SLC35F1: variants seen among roughly 807,000 people sequenced by gnomAD.
SLC35F1 encodes chromosome 6 open reading frame 169.
In SLC35F1, 14 loss-of-function variants were observed where a neutral mutation model predicts 48.7. The observed-to-expected ratio is 0.29, with a 90% CI of 0.19 to 0.45. SLC35F1 has a LOEUF of 0.45. SLC35F1 is among the 20% of genes least tolerant of loss of function. The pLI, the probability that SLC35F1 is intolerant of heterozygous loss-of-function variation, is 1.00. For missense variants in SLC35F1, 404 were observed against 500.0 expected, an observed-to-expected ratio of 0.81 and a Z score of 1.83; for synonymous variants, 190 against 202.2, an observed-to-expected ratio of 0.94 and a Z score of 0.51.
intron 2 of SLC35F1, among the ~76,000 whole-genome samples, chr6:118,191,947 C>T (rs186664253): frequency 3.3e-4 from 51 of 152,252 alleles, no homozygotes; most frequent in Non-Finnish European, 4.6e-4. Context: ...ATTTATTAGT[C>T]ACCACACCAA....
intron 1 of SLC35F1, among the ~76,000 whole-genome samples, chr6:117,998,482 G>A (rs866615266): frequency 1.6e-4 from 24 of 152,006 alleles, no homozygotes; most frequent in Admixed American, 3.3e-4. Context: ...ATTTTTTTCA[G>A]CACCACACCA....
At chr6:117,969,238 G>C (rs1396161036) in intron 1 of SLC35F1, among the ~76,000 whole-genome samples, 1 of 152,034 alleles carries the variant, frequency 6.6e-6, no homozygotes, top group Non-Finnish European at 1.5e-5. Flanking sequence ...TTACCTGTAG[G>C]CTGAAACAAC....
At chr6:118,271,565 T>G (rs1269430547) in intron 4 of SLC35F1, among the ~76,000 whole-genome samples, 3 of 152,178 alleles carry the variant, frequency 2.0e-5, no homozygotes, top group Non-Finnish European at 4.4e-5. Flanking sequence ...ACTGATAGTC[T>G]TTCAACACTC....
intron 1 of SLC35F1, among the ~76,000 whole-genome samples, chr6:118,140,037 T>C (rs1316790730): frequency 6.6e-6 from 1 of 152,216 alleles, no homozygotes; most frequent in African/African-American, 2.4e-5. Context: ...ATTTCTTTTA[T>C]TTGAAAGACA....
intron 2 of SLC35F1, among the ~76,000 whole-genome samples, chr6:118,194,560 C>T (rs1387821000): frequency 1.3e-5 from 2 of 152,072 alleles, no homozygotes; most frequent in Non-Finnish European, 2.9e-5. Context: ...TTCCTAAGCC[C>T]GTGTTCTATC....
At chr6:118,066,456 G>T (rs1772614992) in intron 1 of SLC35F1, among the ~76,000 whole-genome samples, 1 of 152,166 alleles carries the variant, frequency 6.6e-6, no homozygotes, top group South Asian at 2.1e-4. Context: ...AATGAATTCT[G>T]CCAACAACCT....
At chr6:118,205,071 C>G (rs768191749) in intron 2 of SLC35F1, among the ~76,000 whole-genome samples, 1 of 152,182 alleles carries the variant, frequency 6.6e-6, no homozygotes, top group Non-Finnish European at 1.5e-5. Flanking sequence ...TCCAGGAGGC[C>G]GCAGAAGATG....
At chr6:118,307,772 A>G (rs528764182) in intron 7 of SLC35F1, among the ~76,000 whole-genome samples, 1 of 152,310 alleles carries the variant, frequency 6.6e-6, no homozygotes, top group East Asian at 1.9e-4. Flanking sequence ...CAGTGGCAAT[A>G]GATCAGGACC....
chr6:118,295,538 C>A (rs1222336570), intron 7 of SLC35F1, among the ~76,000 whole-genome samples: 1 of 152,200 alleles, frequency 6.6e-6, no homozygotes, highest in East Asian at 1.9e-4. Context: ...AGCCAAGCAA[C>A]CCTGTTGATC....
chr6:117,990,304 C>T (rs370806227), intron 1 of SLC35F1, among the ~76,000 whole-genome samples: 18 of 152,132 alleles, frequency 1.2e-4, no homozygotes, highest in Middle Eastern at 3.4e-3. Context: ...TTCTGTCTCA[C>T]GCTGGAGGCC....
chr6:118,265,591 G>A (rs923087653), intron 3 of SLC35F1, among the ~76,000 whole-genome samples: 5 of 152,168 alleles, frequency 3.3e-5, no homozygotes, highest in African/African-American at 1.2e-4. Context: ...TGAAGGCCCT[G>A]GGGCATGAAG....
intron 2 of SLC35F1, among the ~76,000 whole-genome samples, chr6:118,220,598 A>C (rs1775134096): frequency 1.3e-5 from 2 of 152,212 alleles, no homozygotes; most frequent in African/African-American, 4.8e-5. Context: ...GGCTTTTAAA[A>C]TACAGATTCC....
At chr6:118,308,648 T>C (rs2114669049) in intron 7 of SLC35F1, among the ~76,000 whole-genome samples, 1 of 152,356 alleles carries the variant, frequency 6.6e-6, no homozygotes, top group South Asian at 2.1e-4. Flanking sequence ...CATCTGTGTC[T>C]TTTTAAAATA....
At chr6:118,243,287 G>A (rs1775464175) in intron 3 of SLC35F1, among the ~76,000 whole-genome samples, 1 of 152,134 alleles carries the variant, frequency 6.6e-6, no homozygotes, top group Non-Finnish European at 1.5e-5. Context: ...AGCCATATGA[G>A]TAGATTTGGC....
chr6:118,015,751 G>C (rs1777312412), intron 1 of SLC35F1, among the ~76,000 whole-genome samples: 1 of 152,050 alleles, frequency 6.6e-6, no homozygotes. Flanking sequence ...AAAAGTCTTT[G>C]TTTTCCCAGC....
intron 2 of SLC35F1, among the ~76,000 whole-genome samples, chr6:118,186,364 C>T (rs1374264772): frequency 6.6e-6 from 1 of 151,700 alleles, no homozygotes; most frequent in Non-Finnish European, 1.5e-5. Context: ...GCGCCCCCAC[C>T]CCCACACCCT....
intron 1 of SLC35F1, among the ~76,000 whole-genome samples, chr6:118,087,248 A>G (rs1203953161): frequency 6.6e-6 from 1 of 152,032 alleles, no homozygotes; most frequent in African/African-American, 2.4e-5. Context: ...TCTGTCACTG[A>G]TTGTGTTGAT....
chr6:118,107,172 T>G (rs1025524810), intron 1 of SLC35F1, among the ~76,000 whole-genome samples: 5 of 152,086 alleles, frequency 3.3e-5, no homozygotes, highest in Admixed American at 3.3e-4. Flanking sequence ...GAAATGTTGT[T>G]TAAATGAATG....
chr6:118,030,594 A>C (rs1772031152), intron 1 of SLC35F1, among the ~76,000 whole-genome samples: 1 of 152,214 alleles, frequency 6.6e-6, no homozygotes, highest in South Asian at 2.1e-4. Context: ...GGGGCAATAA[A>C]GGAAGAGTGT....
Sources: gnomAD v4.1 joint callset for allele counts (sites outside exome capture counted in the v4.1 genomes callset) on GRCh38, gnomAD v4.1.1 for gene constraint, MANE v1.5 for transcripts, NCBI Gene and HGNC (gene_info 2026-07-23, HGNC 2026-07-21) for gene names.